Variants in GLIS3 observed in about 807,000 individuals in gnomAD.
GLIS3 encodes the protein GLIS family zinc finger 3.
GLIS3 carries 53 observed loss-of-function variants against 78.6 expected under a neutral mutation model. The observed-to-expected ratio is 0.67, with a 90% CI of 0.54 to 0.85. The LOEUF (loss-of-function observed/expected upper bound fraction) is 0.85, where lower values mean the gene tolerates loss of function less well. GLIS3 is among the 40% of genes least tolerant of loss of function. The pLI is 0.00. For synonymous variants in GLIS3, 684 were observed against 509.9 expected, an observed-to-expected ratio of 1.34 and a Z score of -4.60; for missense variants, 1,703 against 1,231.1, an observed-to-expected ratio of 1.38 and a Z score of -5.74.
intron 2 of GLIS3, among the ~76,000 whole-genome samples, chr9:4,221,228 A>C (rs75187500): frequency 9.0e-4 from 137 of 152,318 alleles, no homozygotes; most frequent in African/African-American, 2.7e-3. Flanking sequence ...GAAAATGATA[A>C]GGCAGAAATG....
At chr9:4,058,752 G>T (rs1208208029) in intron 4 of GLIS3, among the ~76,000 whole-genome samples, 1 of 152,044 alleles carries the variant, frequency 6.6e-6, no homozygotes, top group Non-Finnish European at 1.5e-5. Context: ...AGGCCAAGGC[G>T]GGCGGATCAC....
At position 4,116,543 on chromosome 9, in the gene GLIS3, G is replaced by T. The variant is rs759291332; in HGVS notation, c.1710+1225C>A. Among the ~76,000 whole-genome samples the T allele has an allele frequency of 2.0e-5, 3 of 152,222 alleles. No individual in the cohort carries two copies. In the South Asian group the frequency reaches 6.2e-4, roughly 32 times the overall value. On this transcript the variant is annotated intron_variant, in intron 4 of 10. Transcript: ENST00000381971. ...AAAACTCTTTCAAAAATACCTACCG[G>T]GCAGTGAAAAAGTGCTTTGAATACT...
chr9:3,985,888 T>TA (rs1395424608), intron 4 of GLIS3, among the ~76,000 whole-genome samples: 5 of 152,224 alleles, frequency 3.3e-5, no homozygotes, highest in Non-Finnish European at 5.9e-5. Context: ...CATTCCCAGT[T>TA]AAAATTAAAA....
chr9:4,105,613 A>G (rs1830690246), intron 4 of GLIS3, among the ~76,000 whole-genome samples: 1 of 152,116 alleles, frequency 6.6e-6, no homozygotes, highest in Non-Finnish European at 1.5e-5. Context: ...ACCAAGATCT[A>G]TTTTCCTGAC....
At chr9:4,284,613 A>AT (rs1329707460) in intron 2 of GLIS3, among the ~76,000 whole-genome samples, 5 of 152,104 alleles carry the variant, frequency 3.3e-5, no homozygotes, top group African/African-American at 1.2e-4. Context: ...AAGAAGAAGA[A>AT]AAATAAATAA....
intron 2 of GLIS3, among the ~76,000 whole-genome samples, chr9:4,204,834 A>C (rs1453112418): frequency 2.0e-5 from 3 of 151,796 alleles, no homozygotes; most frequent in Non-Finnish European, 4.4e-5. Flanking sequence ...GAATTGCTTG[A>C]ACCCGGAAGG....
rs185216343 is a variant in GLIS3, at chr9:4,152,364, T to C, written c.389-26423A>G. Among the ~76,000 whole-genome samples the C allele has an allele frequency of 3.7e-3, 557 of 152,288 alleles. 4 individuals carry two copies. Among genetic ancestry groups the C allele is most frequent in the Non-Finnish European group, 6.0e-3 (411 of 68,032 alleles). On this transcript the variant is annotated intron_variant, in intron 2 of 10. Coordinates refer to ENST00000381971, the MANE Select transcript of GLIS3 (RefSeq NM_001042413.2). ...ATCCCTAAGGACATTCCCAACTCTATAACATCTCAAAGGCTTTAAACACAA... is the reference window on the plus strand; with the variant it reads ...ATCCCTAAGGACATTCCCAACTCTACAACATCTCAAAGGCTTTAAACACAA...
intron 4 of GLIS3, among the ~76,000 whole-genome samples, chr9:3,958,815 T>G (rs1055984104): frequency 1.3e-5 from 2 of 152,222 alleles, no homozygotes; most frequent in African/African-American, 4.8e-5. Context: ...GAGTTCAACG[T>G]GCAGAGTGGC....
At chr9:4,032,742 T>A (rs1823954058) in intron 4 of GLIS3, among the ~76,000 whole-genome samples, 2 of 150,384 alleles carry the variant, frequency 1.3e-5, no homozygotes, top group Non-Finnish European at 2.9e-5. Flanking sequence ...AGGTTTCTGC[T>A]TACCACATCC....
At chr9:4,030,453 T>C (rs1823736989) in intron 4 of GLIS3, among the ~76,000 whole-genome samples, 1 of 152,194 alleles carries the variant, frequency 6.6e-6, no homozygotes. Context: ...TGTGATCTCA[T>C]TTGTCCATCT....
chr9:3,844,481 C>T (rs991281084), intron 9 of GLIS3, among the ~76,000 whole-genome samples: 4 of 152,128 alleles, frequency 2.6e-5, no homozygotes, highest in Non-Finnish European at 5.9e-5. Flanking sequence ...GGTATAAGAA[C>T]ATTTGCTTCT....
chr9:4,130,246 G>A (rs1296391667), intron 2 of GLIS3, among the ~76,000 whole-genome samples: 2 of 152,198 alleles, frequency 1.3e-5, no homozygotes, highest in Non-Finnish European at 2.9e-5. Flanking sequence ...TTACAGCCTG[G>A]CCATGTGGTA....
In GLIS3 at chr9:4,118,632, A is replaced by C. The variant is rs1239692527; in HGVS notation, c.846T>G (p.Pro282=). The change falls in exon 4 of 11, where the codon CCT becomes CCG. Residue 282 remains proline (P), a synonymous_variant. Coordinates refer to ENST00000381971, the MANE Select transcript of GLIS3 (RefSeq NM_001042413.2). The surrounding 1 kb of genome is among the most constrained non-coding windows in gnomAD (Gnocchi z 4.7). ...TGGATGAGTGCCGAGGACTAGGGTA[A>C]GGAGAGTGGCTACTTTCCGTGCCAA... The part of the protein sequence containing the change: ...YLFGTESSHS[P]YPSPRHSSTR... 4 of 1,614,076 alleles carry C rather than the reference A, an allele frequency of 2.5e-6. No homozygotes were observed. The highest frequency in any genetic ancestry group is 3.4e-6 in the Non-Finnish European group (4 of 1,180,038).
intron 4 of GLIS3, among the ~76,000 whole-genome samples, chr9:3,956,046 A>G (rs1170973504): frequency 6.6e-6 from 1 of 151,242 alleles, no homozygotes; most frequent in Non-Finnish European, 1.5e-5. Context: ...AAAAAAAAAA[A>G]AAGAAAGAAA....
chr9:3,844,919 T>G (rs1486790873), intron 9 of GLIS3, among the ~76,000 whole-genome samples: 1 of 152,204 alleles, frequency 6.6e-6, no homozygotes, highest in Non-Finnish European at 1.5e-5. Flanking sequence ...AAATGGGCCC[T>G]GTGATGTGCT....
chr9:3,867,411 A>G (rs1307643936), intron 8 of GLIS3, among the ~76,000 whole-genome samples: 3 of 152,240 alleles, frequency 2.0e-5, no homozygotes, highest in South Asian at 4.1e-4. Context: ...AAGAAAGTTC[A>G]TTCCAAAGGC....
intron 4 of GLIS3, among the ~76,000 whole-genome samples, chr9:4,050,003 C>G (rs1349568552): frequency 1.3e-5 from 2 of 152,144 alleles, no homozygotes; most frequent in Admixed American, 6.5e-5. Flanking sequence ...GTTGGTGGGA[C>G]TGTAAACTAG....
chr9:3,856,293 GACA>G (rs1172523223), intron 8 of GLIS3, 109 bp from the exon 9 acceptor site: 1 of 970,796 alleles, frequency 1.0e-6, no homozygotes, highest in East Asian at 2.6e-5. Flanking sequence ...ACAAGAGCGT[GACA>G]ACAAGCCTTT....
rs1816577082 is a variant in GLIS3 at position 4,296,924 on chromosome 9, A to G, written c.-99+2497T>C. Among the ~76,000 whole-genome samples, 3 of 126,046 alleles carry G rather than the reference A, an allele frequency of 2.4e-5. No individual in the cohort carries two copies. In the South Asian group the frequency reaches 7.9e-4, roughly 33 times the overall value. The allele number at this position is 126,046 out of a possible 152,430, so 82.7% of individuals were successfully genotyped here. A position where few individuals can be genotyped will look rare whatever the true frequency, so the allele number is the denominator to read the frequency against. On this transcript the variant is annotated intron_variant, in intron 1 of 10. Coordinates refer to ENST00000381971, the MANE Select transcript of GLIS3 (RefSeq NM_001042413.2). ...ATTGCAAAAAAAAAAAAAAAAAAAA[A>G]AAATGCATATAATCTAACACTCTCC...
Sources: allele counts gnomAD v4.1 joint callset (sites outside exome capture counted in the v4.1 genomes callset), GRCh38; gene constraint gnomAD v4.1.1; non-coding constraint Gnocchi (gnomAD v3.1); transcripts MANE v1.5; gene names NCBI Gene and HGNC (gene_info 2026-07-23, HGNC 2026-07-21).